PXDNL: variants seen among roughly 807,000 people sequenced by gnomAD.
The protein encoded by PXDNL is probable oxidoreductase PXDNL.
Under a neutral mutation model 150.8 loss-of-function variants are expected in PXDNL, and 145 were observed. That is an observed-to-expected ratio of 0.96 (90% CI 0.84 to 1.10). PXDNL has a LOEUF of 1.10. PXDNL is among the 50% of genes least tolerant of loss of function. PXDNL has a pLI of 0.00. For missense variants in PXDNL, 2,087 were observed against 1,873.9 expected (o/e 1.11, Z -2.10); for synonymous variants, 757 against 725.7 (o/e 1.04, Z -0.69).
intron 1 of PXDNL, among the ~76,000 whole-genome samples, chr8:51,764,548 CT>C (rs1406414959): frequency 1.4e-5 from 2 of 145,600 alleles, no homozygotes; most frequent in Non-Finnish European, 2.9e-5. Flanking sequence ...ATTAATATTT[CT>C]TCTCTGAATC....
intron 1 of PXDNL, among the ~76,000 whole-genome samples, chr8:51,692,408 G>A (rs1000505668): frequency 6.6e-6 from 1 of 152,182 alleles, no homozygotes; most frequent in African/African-American, 2.4e-5. Context: ...AGTGGTAAAT[G>A]TAGTAAGTTC....
intron 1 of PXDNL, among the ~76,000 whole-genome samples, chr8:51,786,487 C>A (rs2037461772): frequency 6.6e-6 from 1 of 152,112 alleles, no homozygotes; most frequent in African/African-American, 2.4e-5. Flanking sequence ...GAAAAATATT[C>A]TTGAATCACT....
At chr8:51,440,920 C>CT (rs1809530685) in intron 12 of PXDNL, among the ~76,000 whole-genome samples, 1 of 152,218 alleles carries the variant, frequency 6.6e-6, no homozygotes, top group Non-Finnish European at 1.5e-5. Context: ...GATCCAGAGC[C>CT]TGTCCAGGTG....
chr8:51,327,954 T>C lies in PXDNL; in HGVS notation c.4147-7057A>G, dbSNP rs575891438. Among the ~76,000 whole-genome samples, 16 of 152,388 alleles carry C rather than the reference T, an allele frequency of 1.0e-4. 1 individual carries two copies. Among genetic ancestry groups the C allele is most frequent in the African/African-American group, 3.6e-4 (15 of 41,600 alleles). ...AGACTGACTGAGCATTGAGCCATAC[T>C]GGTGGGAACACCCTGATGGTTAGTT... is the stretch of plus-strand genomic sequence containing the variant. On this transcript the variant is annotated intron_variant, in intron 21 of 22. Coordinates refer to ENST00000356297, the MANE Select transcript of PXDNL (RefSeq NM_144651.5).
At chr8:51,788,827 T>A (rs111938373) in intron 1 of PXDNL, among the ~76,000 whole-genome samples, 4 of 152,172 alleles carry the variant, frequency 2.6e-5, no homozygotes, top group Non-Finnish European at 5.9e-5. Context: ...GTAGAGGTGT[T>A]CCAAGCTCTG....
intron 13 of PXDNL, among the ~76,000 whole-genome samples, chr8:51,425,455 C>T (rs370779795): frequency 6.6e-6 from 1 of 152,100 alleles, no homozygotes; most frequent in African/African-American, 2.4e-5. Flanking sequence ...TTAGAGACTG[C>T]CCAAAATGTA....
chr8:51,776,632 T>C (rs1172318393), intron 1 of PXDNL, among the ~76,000 whole-genome samples: 1 of 152,166 alleles, frequency 6.6e-6, no homozygotes, highest in Non-Finnish European at 1.5e-5. Context: ...TTGCTTTTGG[T>C]CTGCTAGTCC....
chr8:51,807,055 T>C (rs978339441), intron 1 of PXDNL, among the ~76,000 whole-genome samples: 8 of 152,236 alleles, frequency 5.3e-5, no homozygotes, highest in African/African-American at 1.9e-4. Context: ...TTAAAATGCA[T>C]TAATTCATTA....
chr8:51,481,267 G>A, intron 6 of PXDNL, among the ~76,000 whole-genome samples: 1 of 152,132 alleles, frequency 6.6e-6, no homozygotes, highest in Non-Finnish European at 1.5e-5. Flanking sequence ...CTGGAGTGAA[G>A]GTCACTCTTC....
At chr8:51,381,101 G>C (rs1475381712) in intron 17 of PXDNL, among the ~76,000 whole-genome samples, 1 of 152,016 alleles carries the variant, frequency 6.6e-6, no homozygotes, top group Non-Finnish European at 1.5e-5. Context: ...GCCTCGTACT[G>C]TTATTGTTTA....
At chr8:51,520,113 G>C (rs533366314) in intron 4 of PXDNL, among the ~76,000 whole-genome samples, 1 of 152,130 alleles carries the variant, frequency 6.6e-6, no homozygotes, top group Non-Finnish European at 1.5e-5. Context: ...GAATGCCGGG[G>C]AATCTGTGGG....
intron 4 of PXDNL, among the ~76,000 whole-genome samples, chr8:51,534,337 C>T (rs1295788658): frequency 6.8e-6 from 1 of 146,828 alleles, no homozygotes; most frequent in African/African-American, 2.7e-5. Context: ...GCAGCCACCC[C>T]GTCCGGGAGG....
chr8:51,419,680 A>T (rs1808895192), intron 14 of PXDNL, among the ~76,000 whole-genome samples: 1 of 152,222 alleles, frequency 6.6e-6, no homozygotes. Flanking sequence ...AGCACTTACC[A>T]GCACTTTGTA....
intron 4 of PXDNL, among the ~76,000 whole-genome samples, chr8:51,507,121 C>T (rs1418645519): frequency 6.6e-6 from 1 of 152,118 alleles, no homozygotes; most frequent in African/African-American, 2.4e-5. Context: ...CCTTGACCGT[C>T]TCAGAGACTG....
rs1175425794 is a variant in PXDNL, at chr8:51,638,625, G to GTT, written c.236+16063_236+16064insAA. ...AAGAAGGCCATTACATAACAGTAAA[G>GTT]GGATCAATTCAACAAGAAGAGCTAA... On this transcript the variant is annotated intron_variant, in intron 2 of 22. Coordinates refer to ENST00000356297, the MANE Select transcript of PXDNL (RefSeq NM_144651.5). 4.6e-5 allele frequency among the ~76,000 whole-genome samples: 7 copies of GTT among 152,248 alleles called. No individual in the cohort carries two copies. In the East Asian group the frequency reaches 1.2e-3, roughly 25 times the overall value.
intron 1 of PXDNL, among the ~76,000 whole-genome samples, chr8:51,673,327 T>C (rs1426962729): frequency 1.3e-5 from 2 of 152,162 alleles, no homozygotes; most frequent in East Asian, 3.9e-4. Flanking sequence ...TAAATGATAA[T>C]AGTGACTCTT....
chr8:51,379,370 T>A (rs574800173), intron 17 of PXDNL, among the ~76,000 whole-genome samples: 4 of 152,284 alleles, frequency 2.6e-5, no homozygotes, highest in South Asian at 4.1e-4. Flanking sequence ...TTTCAAAAAA[T>A]TTTTGGTAAT....
At chr8:51,655,920 G>A (rs1815139812) in intron 1 of PXDNL, among the ~76,000 whole-genome samples, 1 of 152,150 alleles carries the variant, frequency 6.6e-6, no homozygotes, top group Non-Finnish European at 1.5e-5. Flanking sequence ...AGGATTGCCT[G>A]AGACCAAATT....
At chr8:51,423,793 CT>C (rs983198080) in intron 13 of PXDNL, 62 bp from the exon 14 acceptor site, 8 of 1,482,454 alleles carry the variant, frequency 5.4e-6, no homozygotes, top group African/African-American at 2.8e-5. Context: ...CATTTATTTA[CT>C]TTTTAAAATG....
Sources: gnomAD v4.1 joint callset for allele counts (sites outside exome capture counted in the v4.1 genomes callset) on GRCh38, gnomAD v4.1.1 for gene constraint, MANE v1.5 for transcripts, NCBI Gene and HGNC (gene_info 2026-07-23, HGNC 2026-07-21) for gene names.